Variants in CC2D2B observed in about 807,000 individuals in gnomAD.
The protein encoded by CC2D2B is protein CC2D2B.
CC2D2B carries 128 observed loss-of-function variants against 161.2 expected under a neutral mutation model. That is an observed-to-expected ratio of 0.79 (90% CI 0.69 to 0.92). CC2D2B has a LOEUF of 0.92. Ranked by LOEUF, CC2D2B falls within the 40% of genes least tolerant of loss-of-function variation. CC2D2B has a pLI of 0.00. For missense variants in CC2D2B, 1,173 were observed against 1,375.1 expected (o/e 0.85, Z 2.32); for synonymous variants, 391 against 449.8 (o/e 0.87, Z 1.65).
At chr10:95,989,941 T>C (rs904619282) in intron 20 of CC2D2B, among the ~76,000 whole-genome samples, 4 of 152,200 alleles carry the variant, frequency 2.6e-5, no homozygotes, top group Non-Finnish European at 5.9e-5. Flanking sequence ...CTGTGAGTTA[T>C]GTGCATTACA....
At chr10:96,014,230 C>A (rs2079101963) in intron 29 of CC2D2B, among the ~76,000 whole-genome samples, 1 of 152,142 alleles carries the variant, frequency 6.6e-6, no homozygotes, top group South Asian at 2.1e-4. Flanking sequence ...CCCCCATCAC[C>A]CCCATCTGAG....
chr10:95,943,326 C>G (rs2076087074), intron 9 of CC2D2B, among the ~76,000 whole-genome samples: 2 of 152,160 alleles, frequency 1.3e-5, no homozygotes, highest in Admixed American at 1.3e-4. Context: ...CAATGCTATT[C>G]AGACCTTCTG....
At chr10:96,011,315 T>C (rs1182224968) in intron 26 of CC2D2B, among the ~76,000 whole-genome samples, 2 of 152,228 alleles carry the variant, frequency 1.3e-5, no homozygotes, top group Admixed American at 6.5e-5. Context: ...GACTGCAGGA[T>C]ACAGTGGTAG....
intron 9 of CC2D2B, among the ~76,000 whole-genome samples, chr10:95,942,242 A>C (rs1049897674): frequency 3.9e-5 from 6 of 152,204 alleles, no homozygotes; most frequent in African/African-American, 1.4e-4. Context: ...CTAGGGATCT[A>C]TGGTACAACA....
chr10:96,002,654 T>C (rs2078551186), intron 24 of CC2D2B, among the ~76,000 whole-genome samples: 1 of 152,126 alleles, frequency 6.6e-6, no homozygotes, highest in Admixed American at 6.5e-5. Context: ...AGGAACAAAG[T>C]AGGGGAGTCA....
rs116311103 is a variant in CC2D2B, at chr10:95,915,122, T to C, written c.36+3763T>C. 5.3e-3 allele frequency among the ~76,000 whole-genome samples: 807 copies of C among 152,328 alleles called. 7 individuals are homozygous for C. The highest frequency in any genetic ancestry group is 0.018 in the African/African-American group (763 of 41,584). On this transcript the variant is annotated intron_variant, in intron 2 of 34. Coordinates refer to ENST00000646931, the MANE Select transcript of CC2D2B (RefSeq NM_001349008.3). ...TATAGTTCTCATTGTGGACATCTTT[T>C]ACTTATTTGTTTAAGTTAATTCCTG...
intron 11 of CC2D2B, among the ~76,000 whole-genome samples, chr10:95,960,516 A>C (rs2076724835): frequency 1.0e-5 from 1 of 97,254 alleles, no homozygotes; most frequent in Admixed American, 1.2e-4. Context: ...TGAAATACAT[A>C]TTTTCTTTTT....
At chr10:96,016,095 T>C (rs1260498708) in intron 29 of CC2D2B, 106 bp from the exon 30 acceptor site, 1 of 704,990 alleles carries the variant, frequency 1.4e-6, no homozygotes, top group Non-Finnish European at 2.4e-6. Context: ...ATAAATGTGT[T>C]TGGAACTGGA....
chr10:95,923,009 A>G (rs1357401952), intron 3 of CC2D2B, among the ~76,000 whole-genome samples: 2 of 151,296 alleles, frequency 1.3e-5, no homozygotes, highest in African/African-American at 4.9e-5. Flanking sequence ...CTGGAGTGCA[A>G]TGGCGTGATC....
chr10:95,937,942 T>A lies in CC2D2B; in HGVS notation c.337-49T>A, dbSNP rs923156395. On this transcript the variant is annotated intron_variant, in intron 6 of 34. Transcript: ENST00000646931. ...TACATTTCATTTATTTGCATATTAA[T>A]CATTGGAGACAAGCATGTAAACTTA... 4.6e-6 allele frequency: 5 copies of A among 1,092,254 alleles called. No individual in the cohort carries two copies. The African/African-American group carries it at 7.9e-5, about 17-fold the overall frequency. The allele number at this position is 1,092,254 out of a possible 1,614,324, so 67.7% of individuals were successfully genotyped here. A position where few individuals can be genotyped will look rare whatever the true frequency, so the allele number is the denominator to read the frequency against.
At position 95,949,896 on chromosome 10, in the gene CC2D2B, G is replaced by T; in HGVS notation, c.802G>T (p.Ala268Ser). The T allele has an allele frequency of 2.5e-6, 1 of 398,518 alleles. No homozygotes were observed. The highest frequency in any genetic ancestry group is 4.4e-6 in the Non-Finnish European group (1 of 225,860). The allele number at this position is 398,518 out of a possible 1,614,324, so 24.7% of individuals were successfully genotyped here. The change falls in exon 10 of 35, where the codon GCA (alanine) becomes TCA (serine). Residue 268 changes from alanine (A) to serine (S), a missense_variant and splice_region_variant. Ala to Ser is a moderately conservative substitution (Grantham distance 99). Transcript: ENST00000646931. ...TTGTGCACTTATTTTTCTTTAAAAG[G>T]CAGTAAAATATGACCTGGGAAGTTC... ...NPLLKTIYRKAVKYDLGSSFM... is the reference protein window; with the variant it reads ...NPLLKTIYRKSVKYDLGSSFM...
At position 95,947,082 on chromosome 10, in the gene CC2D2B, A is replaced by AATATATAT. The variant is rs1297977316; in HGVS notation, c.802-2789_802-2782dup. Among the ~76,000 whole-genome samples, 152 of 39,478 alleles carry AATATATAT rather than the reference A, an allele frequency of 3.9e-3. 6 individuals carry two copies. The highest frequency in any genetic ancestry group is 0.022 in the Middle Eastern group (1 of 46). 25.9% of individuals were successfully genotyped at this position (39,478 alleles called of 152,430 possible). A position where few individuals can be genotyped will look rare whatever the true frequency, so the allele number is the denominator to read the frequency against. On this transcript the variant is annotated intron_variant, in intron 9 of 34. Coordinates refer to ENST00000646931, the MANE Select transcript of CC2D2B (RefSeq NM_001349008.3). ...ATAAATTCCAAATAGTGGACTCAAA[A>AATATATAT]ATATATATATATATATATATATATA...
chr10:95,966,244 A>T lies in CC2D2B; in HGVS notation c.1408A>T (p.Thr470Ser), dbSNP rs2076936607. Reference sequence around the variant, plus strand: ...AGAAATTGAAAGAATAAAGCCAATTACCTTGAGGCCACAACTTTCTTTCAC... The same window carrying T: ...AGAAATTGAAAGAATAAAGCCAATTTCCTTGAGGCCACAACTTTCTTTCAC... ...ETEIERIKPI[T>S]LRPQLSFTAE... The change falls in exon 14 of 35, where the codon ACC (threonine) becomes TCC (serine). Residue 470 changes from threonine to serine, a missense_variant. Physicochemically the swap from Thr to Ser is moderately conservative, Grantham distance 58 (BLOSUM62 1). Coordinates refer to ENST00000646931, the MANE Select transcript of CC2D2B (RefSeq NM_001349008.3). 13 of 1,228,822 alleles carry T rather than the reference A, an allele frequency of 1.1e-5. No individual in the cohort carries two copies. The highest frequency in any genetic ancestry group is 1.1e-5 in the Non-Finnish European group (11 of 985,244). 76.1% of individuals were successfully genotyped at this position (1,228,822 alleles called of 1,614,324 possible). A position where few individuals can be genotyped will look rare whatever the true frequency, so the allele number is the denominator to read the frequency against.
At chr10:96,025,166 T>TATAAAAAAAAAAAA (rs1590934317) in intron 33 of CC2D2B, among the ~76,000 whole-genome samples, 2 of 9,972 alleles carry the variant, frequency 2.0e-4, no homozygotes, top group Non-Finnish European at 3.2e-4. Context: ...TATATATATA[T>TATAAAAAAAAAAAA]ATATATATAT....
chr10:95,937,301 T>C (rs1279967550), intron 6 of CC2D2B, among the ~76,000 whole-genome samples: 1 of 152,196 alleles, frequency 6.6e-6, no homozygotes, highest in Non-Finnish European at 1.5e-5. Flanking sequence ...TTGTTCAGTA[T>C]GTGTATATTT....
intron 9 of CC2D2B, among the ~76,000 whole-genome samples, chr10:95,946,409 C>T (rs1354082318): frequency 1.3e-5 from 2 of 152,186 alleles, no homozygotes; most frequent in Non-Finnish European, 1.5e-5. Flanking sequence ...CTGAGCAACA[C>T]AGTTATTCAA....
Position 95,993,938 on chromosome 10 carries a change from GTGTGTATGTATGTGTATATATA to G in CC2D2B, c.2642+1243_2642+1264del, listed in dbSNP as rs1357867457. ...TGTGTGTGTGTGTGTGTGTGTGTGT[GTGTGTATGTATGTGTATATATA>G]TATATATATATATATATATATATAT... On this transcript the variant is annotated intron_variant, in intron 22 of 34. Transcript: ENST00000646931. Among the ~76,000 whole-genome samples the G allele has an allele frequency of 8.9e-4, 34 of 38,322 alleles. 2 individuals carry two copies. Among genetic ancestry groups the G allele is most frequent in the Admixed American group, 3.7e-3 (15 of 4,002 alleles). The allele number at this position is 38,322 out of a possible 152,430, so 25.1% of individuals were successfully genotyped here.
intron 6 of CC2D2B, among the ~76,000 whole-genome samples, chr10:95,932,304 GCA>G (rs1468480076): frequency 1.3e-5 from 2 of 152,174 alleles, no homozygotes; most frequent in South Asian, 4.1e-4. Context: ...CCTGAATACA[GCA>G]CACCAATGGG....
At chr10:95,962,127 T>G (rs2076781014) in intron 12 of CC2D2B, among the ~76,000 whole-genome samples, 158 bp downstream of exon 12, 1 of 151,752 alleles carries the variant, frequency 6.6e-6, no homozygotes, top group African/African-American at 2.4e-5. Flanking sequence ...TATATATATA[T>G]ATATATGCAT....
Sources: gnomAD v4.1 joint callset for allele counts (sites outside exome capture counted in the v4.1 genomes callset) on GRCh38, gnomAD v4.1.1 for gene constraint, MANE v1.5 for transcripts, NCBI Gene and HGNC (gene_info 2026-07-23, HGNC 2026-07-21) for gene names.